The following GINM1 variants were observed in gnomAD, a reference collection of about 807,000 sequenced individuals.
GINM1 encodes glycoprotein integral membrane protein 1.
A neutral mutation model predicts 37.8 loss-of-function variants in GINM1; 29 were observed. The ratio of observed to expected loss-of-function variants is 0.77; its 90% CI spans 0.57 to 1.05. The LOEUF is 1.05. GINM1 is among the 50% of genes least tolerant of loss of function. The pLI, the probability that GINM1 is intolerant of heterozygous loss-of-function variation, is 0.00. For synonymous variants in GINM1, 143 were observed against 146.2 expected (o/e 0.98, Z 0.16); for missense variants, 377 against 397.9 (o/e 0.95, Z 0.45).
chr6:149,572,301 A>G lies in GINM1; in HGVS notation c.137A>G (p.Asn46Ser). 1 of 1,598,182 alleles carries G rather than the reference A, an allele frequency of 6.3e-7. No homozygotes were observed. The highest frequency in any genetic ancestry group is 8.5e-7 in the Non-Finnish European group (1 of 1,172,472). ...SGAPQDGIRI[N>S]VTTLKDDGDI... ...GTTTTACAGGACGGCATCAGAATTA[A>G]TGTAACTACACTGAAAGATGATGGG... The change falls in exon 2 of 8, where the codon AAT (asparagine) becomes AGT (serine). Residue 46 changes from asparagine (N) to serine (S), a missense_variant. Coordinates refer to ENST00000367419, the MANE Select transcript of GINM1 (RefSeq NM_138785.5).
intron 6 of GINM1, among the ~76,000 whole-genome samples, chr6:149,581,221 G>A (rs1003461413): frequency 6.6e-6 from 1 of 152,158 alleles, no homozygotes; most frequent in Non-Finnish European, 1.5e-5. Flanking sequence ...GGAGTGCAGT[G>A]GTGTGATCTC....
chr6:149,571,655 C>T (rs1460332826), intron 1 of GINM1, among the ~76,000 whole-genome samples: 1 of 151,872 alleles, frequency 6.6e-6, no homozygotes, highest in Non-Finnish European at 1.5e-5. Context: ...TCATGCAGAG[C>T]CTGCCAAGGT....
intron 3 of GINM1, among the ~76,000 whole-genome samples, chr6:149,574,047 ATTTTTT>A (rs35023561): frequency 7.7e-6 from 1 of 129,336 alleles, no homozygotes; most frequent in African/African-American, 3.0e-5. Flanking sequence ...TATACATAGG[ATTTTTT>A]TTTTTTTTTT....
chr6:149,585,661 C>T (rs796854750), intron 7 of GINM1, among the ~76,000 whole-genome samples: 10 of 152,158 alleles, frequency 6.6e-5, no homozygotes, highest in African/African-American at 1.9e-4. Context: ...GGCACAATCT[C>T]GGCTCGCTGC....
chr6:149,575,403 T>A (rs747511518), intron 3 of GINM1, among the ~76,000 whole-genome samples: 2 of 152,226 alleles, frequency 1.3e-5, no homozygotes, highest in African/African-American at 2.4e-5. Flanking sequence ...GTTTTAACAT[T>A]TAAACACTTC....
rs536548259 is a variant in GINM1, at chr6:149,571,239, C to T, written c.121-1046C>T. On this transcript the variant is annotated intron_variant, in intron 1 of 7. Coordinates refer to ENST00000367419, the MANE Select transcript of GINM1 (RefSeq NM_138785.5). The stretch of plus-strand genomic sequence containing the variant: ...CTGAGGCAGGAGAATCACTTGAACC[C>T]GGGAGGCGGAGATTGCAGTGAGCCA... Among the ~76,000 whole-genome samples the T allele has an allele frequency of 1.0e-4, 15 of 150,538 alleles. No individual in the cohort carries two copies. The South Asian group carries it at 1.9e-3, about 19-fold the overall frequency.
chr6:149,581,207 G>C (rs1024630415), intron 6 of GINM1, among the ~76,000 whole-genome samples: 1 of 152,180 alleles, frequency 6.6e-6, no homozygotes, highest in Middle Eastern at 3.2e-3. Context: ...CTGTCACTTA[G>C]GCTGGAGTGC....
chr6:149,576,911 G>A (rs941946417), intron 3 of GINM1, among the ~76,000 whole-genome samples: 1 of 152,214 alleles, frequency 6.6e-6, no homozygotes, highest in East Asian at 1.9e-4. Flanking sequence ...TCTGCAGGCT[G>A]TACAGGAAGC....
chr6:149,583,166 A>G (rs1778025359), intron 7 of GINM1, among the ~76,000 whole-genome samples: 1 of 152,086 alleles, frequency 6.6e-6, no homozygotes. Context: ...ATCTCTACTA[A>G]AAATAAAAAA....
At chr6:149,577,726 A>G (rs1484439432) in intron 3 of GINM1, among the ~76,000 whole-genome samples, 1 of 152,238 alleles carries the variant, frequency 6.6e-6, no homozygotes. Context: ...TTCAGATTGT[A>G]TATCTGGATT....
intron 1 of GINM1, among the ~76,000 whole-genome samples, chr6:149,570,610 C>T (rs1350745787): frequency 2.6e-5 from 4 of 152,004 alleles, no homozygotes; most frequent in African/African-American, 4.8e-5. Context: ...GGAATCAGCT[C>T]GACCTCATGA....
chr6:149,588,481 C>A (rs1778106459), intron 7 of GINM1, among the ~76,000 whole-genome samples: 1 of 152,094 alleles, frequency 6.6e-6, no homozygotes, highest in Non-Finnish European at 1.5e-5. Context: ...TTGTCTTTTG[C>A]TTATTTATGG....
intron 1 of GINM1, among the ~76,000 whole-genome samples, chr6:149,571,562 C>T (rs1359581456): frequency 6.6e-6 from 1 of 151,964 alleles, no homozygotes; most frequent in Admixed American, 6.6e-5. Context: ...GAGAGAGACA[C>T]AGGTAGTAAA....
chr6:149,575,891 A>G (rs773920589), intron 3 of GINM1, among the ~76,000 whole-genome samples: 2 of 152,216 alleles, frequency 1.3e-5, no homozygotes, highest in South Asian at 2.1e-4. Context: ...GTTTGTTTCT[A>G]TGATAACTGA....
At chr6:149,571,612 G>T (rs1777823364) in intron 1 of GINM1, among the ~76,000 whole-genome samples, 1 of 152,092 alleles carries the variant, frequency 6.6e-6, no homozygotes, top group Non-Finnish European at 1.5e-5. Context: ...ATGGAATTGG[G>T]TATAGGATTC....
chr6:149,587,848 CT>C (rs1445804842), intron 7 of GINM1, among the ~76,000 whole-genome samples: 3 of 152,174 alleles, frequency 2.0e-5, no homozygotes, highest in Non-Finnish European at 2.9e-5. Flanking sequence ...GTTGATACCC[CT>C]GGCAACCAGC....
At chr6:149,569,688 T>C (rs1047399567) in intron 1 of GINM1, among the ~76,000 whole-genome samples, 3 of 152,296 alleles carry the variant, frequency 2.0e-5, no homozygotes, top group Admixed American at 1.3e-4. Flanking sequence ...AATAACTTGG[T>C]CACCAAAGAG....
intron 7 of GINM1, chr6:149,584,454 TTCTTCAGG>T (rs1306546451): frequency 6.6e-6 from 1 of 152,210 alleles, no homozygotes; most frequent in East Asian, 1.9e-4. Context: ...AACCTCCGAC[TTCTTCAGG>T]TGTAATGATG....
At chr6:149,588,504 C>G (rs1372111597) in intron 7 of GINM1, among the ~76,000 whole-genome samples, 1 of 152,204 alleles carries the variant, frequency 6.6e-6, no homozygotes, top group Non-Finnish European at 1.5e-5. Flanking sequence ...TCTCATCATA[C>G]AAAAGCTTTA....
Sources: allele counts gnomAD v4.1 joint callset (sites outside exome capture counted in the v4.1 genomes callset), GRCh38; gene constraint gnomAD v4.1.1; transcripts MANE v1.5; gene names NCBI Gene and HGNC (gene_info 2026-07-23, HGNC 2026-07-21).